Variants in TMEM87B observed in about 807,000 individuals in gnomAD.
The protein encoded by TMEM87B is transmembrane protein 87B.
In TMEM87B, 83 loss-of-function variants were observed where a neutral mutation model predicts 80.3. The ratio of observed to expected loss-of-function variants is 1.03; its 90% CI spans 0.87 to 1.24. The LOEUF (loss-of-function observed/expected upper bound fraction) is 1.24, where lower values mean the gene tolerates loss of function less well. Among genes scored for constraint, TMEM87B ranks in the 50% most tolerant of loss-of-function variants. The pLI, the probability that TMEM87B is intolerant of heterozygous loss-of-function variation, is 0.00. For missense variants in TMEM87B, 625 were observed against 674.4 expected (o/e 0.93, Z 0.81); for synonymous variants, 219 against 230.5 (o/e 0.95, Z 0.45).
chr2:112,059,406 A>G (rs1393300073), intron 1 of TMEM87B, among the ~76,000 whole-genome samples: 1 of 151,628 alleles, frequency 6.6e-6, no homozygotes, highest in Non-Finnish European at 1.5e-5. Context: ...AGCCAACTAG[A>G]TGAACAAAGG....
At chr2:112,069,712 G>A (rs145688462) in intron 4 of TMEM87B, among the ~76,000 whole-genome samples, 241 of 152,242 alleles carry the variant, frequency 1.6e-3, no homozygotes, top group African/African-American at 5.5e-3. Context: ...TGTGTCAAAC[G>A]GTAGTTCTCT....
intron 17 of TMEM87B, among the ~76,000 whole-genome samples, chr2:112,111,863 T>G (rs1679926541): frequency 6.6e-6 from 1 of 152,232 alleles, no homozygotes; most frequent in South Asian, 2.1e-4. Flanking sequence ...TTTAATGCAC[T>G]GAATCGTTCT....
At position 112,107,941 on chromosome 2, in the gene TMEM87B, C is replaced by A. The variant is rs536766457; in HGVS notation, c.1577+101C>A. On this transcript the variant is annotated intron_variant, in intron 17 of 18. Coordinates refer to ENST00000283206, the MANE Select transcript of TMEM87B (RefSeq NM_032824.3). ...ATGTGCTTTTCAAACCTCGTACTTG[C>A]ATGTACTTGGGTAAGCCCCTATCAC... The A allele has an allele frequency of 4.4e-5, 28 of 629,424 alleles. No individual in the cohort carries two copies. In the East Asian group the frequency reaches 6.3e-4, roughly 14 times the overall value. 39.0% of individuals were successfully genotyped at this position (629,424 alleles called of 1,614,324 possible). A position where few individuals can be genotyped will look rare whatever the true frequency, so the allele number is the denominator to read the frequency against.
At chr2:112,087,260 A>G (rs1019522352) in intron 9 of TMEM87B, among the ~76,000 whole-genome samples, 1 of 152,010 alleles carries the variant, frequency 6.6e-6, no homozygotes, top group Non-Finnish European at 1.5e-5. Flanking sequence ...AATTTGCCCA[A>G]AAAGAGCCCT....
At position 112,088,447 on chromosome 2, in the gene TMEM87B, T is replaced by G. The variant is rs1573709721; in HGVS notation, c.939-1178T>G. Among the ~76,000 whole-genome samples, 6 of 152,338 alleles carry G rather than the reference T, an allele frequency of 3.9e-5. No individual in the cohort carries two copies. In the South Asian group the frequency reaches 1.2e-3, roughly 32 times the overall value. The stretch of plus-strand genomic sequence containing the variant: ...TATTTGGAGGTTCTGGTTAGTTGAT[T>G]ATAATGAATCAGAATTTAGATTCCT... On this transcript the variant is annotated intron_variant, in intron 9 of 18. Transcript: ENST00000283206.
In TMEM87B at chr2:112,108,055, G is replaced by A. The variant is rs573990263; in HGVS notation, c.1577+215G>A. 1.8e-3 allele frequency among the ~76,000 whole-genome samples: 271 copies of A among 152,234 alleles called. 8 individuals are homozygous for A. The South Asian group carries it at 0.055, about 31-fold the overall frequency. On this transcript the variant is annotated intron_variant, in intron 17 of 18. Transcript: ENST00000283206. The stretch of plus-strand genomic sequence containing the variant: ...TACAGCAACCATTTTAAAACTAGTG[G>A]CCTCTAACCAACTCTAGCTTTTTCT...
chr2:112,080,206 G>A (rs1198967529), intron 6 of TMEM87B, among the ~76,000 whole-genome samples: 1 of 151,424 alleles, frequency 6.6e-6, no homozygotes, highest in Non-Finnish European at 1.5e-5. Flanking sequence ...TGGGATTACA[G>A]GTGTGAGCTG....
Position 112,077,220 on chromosome 2 carries a change from G to C in TMEM87B, c.530G>C (p.Gly177Ala). ...MDVVARTQKD[G>A]FHIFIVSIKT... ...GTTGTAGCCAGAACACAAAAAGATG[G>C]GTTTCATATCTTTATTGTTTCTATT... Residue 177 changes from glycine to alanine, a missense_variant, in exon 6 of 19, where the codon GGG becomes GCG. Transcript: ENST00000283206. 6.3e-7 allele frequency: 1 copy of C among 1,592,528 alleles called. No homozygotes were observed. Among genetic ancestry groups the C allele is most frequent in the Non-Finnish European group, 8.5e-7 (1 of 1,171,170 alleles).
chr2:112,056,431 C>T (rs569518113), intron 1 of TMEM87B, among the ~76,000 whole-genome samples: 1 of 152,052 alleles, frequency 6.6e-6, no homozygotes, highest in South Asian at 2.1e-4. Flanking sequence ...GGTGGAAACT[C>T]TTCTTTCCAA....
intron 14 of TMEM87B, among the ~76,000 whole-genome samples, chr2:112,100,324 T>C (rs567072884): frequency 1.3e-4 from 20 of 152,322 alleles, no homozygotes; most frequent in African/African-American, 4.8e-4. Flanking sequence ...GAGGTAAACC[T>C]GACATGGAGA....
chr2:112,060,085 C>T (rs371254985), intron 2 of TMEM87B, 48 bp downstream of exon 2: 257 of 1,438,400 alleles, frequency 1.8e-4, no homozygotes, highest in Admixed American at 8.7e-4. Context: ...CAATGGCTCA[C>T]GCCTGTAATC....
At position 112,116,115 on chromosome 2, in the gene TMEM87B, A is replaced by G; in HGVS notation, c.1640A>G (p.Lys547Arg). ...ATGACCAGATCTGAAATGGCTGAAA[A>G]AATGTTCTCTTCAGAAAAGATAATG... ...EIMTRSEMAE[K>R]MFSSEKIM The change falls in exon 19 of 19, where the codon AAA (lysine) becomes AGA (arginine). Residue 547 changes from lysine to arginine, a missense_variant. Physicochemically the swap from Lys to Arg is conservative, Grantham distance 26. Coordinates refer to ENST00000283206, the MANE Select transcript of TMEM87B (RefSeq NM_032824.3). 6.2e-7 allele frequency: 1 copy of G among 1,613,194 alleles called. No homozygotes were observed. The highest frequency in any genetic ancestry group is 1.7e-5 in the Admixed American group (1 of 59,992).
intron 6 of TMEM87B, among the ~76,000 whole-genome samples, chr2:112,079,985 G>A (rs562878714): frequency 3.2e-4 from 45 of 138,496 alleles, no homozygotes; most frequent in African/African-American, 1.2e-3. Flanking sequence ...GCTGGAGTGC[G>A]GTGGCACGAT....
chr2:112,095,275 C>G (rs1679434666), intron 11 of TMEM87B: 1 of 966,490 alleles, frequency 1.0e-6, no homozygotes, highest in Non-Finnish European at 1.2e-6. Context: ...CCCTCTCTCT[C>G]CTTGACTCTG....
rs749222333 is a variant in TMEM87B at position 112,095,165 on chromosome 2, C to CTTTTTTTTTTTTTTTTTTTT, written c.1105-1851_1105-1832dup. The stretch of plus-strand genomic sequence containing the variant: ...CGTTTCTCTTTTCTTTTCTTTCTTT[C>CTTTTTTTTTTTTTTTTTTTT]TTTTTTTTTTTTTTTTTTTTTTTTT... On this transcript the variant is annotated intron_variant, in intron 11 of 18. Transcript: ENST00000283206. 1.1e-4 allele frequency: 62 copies of CTTTTTTTTTTTTTTTTTTTT among 540,882 alleles called. 13 individuals are homozygous for CTTTTTTTTTTTTTTTTTTTT. In the Admixed American group the frequency reaches 2.8e-3, roughly 24 times the overall value. The allele number at this position is 540,882 out of a possible 1,614,324, so 33.5% of individuals were successfully genotyped here. A position where few individuals can be genotyped will look rare whatever the true frequency, so the allele number is the denominator to read the frequency against.
intron 14 of TMEM87B, 101 bp from the exon 15 acceptor site, chr2:112,100,521 T>A: frequency 1.5e-6 from 1 of 674,706 alleles, no homozygotes; most frequent in South Asian, 2.1e-5. Flanking sequence ...GTATAAGAAA[T>A]TTTTTAAATG....
intron 18 of TMEM87B, among the ~76,000 whole-genome samples, chr2:112,113,280 A>C (rs1679970828): frequency 6.6e-6 from 1 of 152,194 alleles, no homozygotes; most frequent in Admixed American, 6.5e-5. Context: ...CTAAGCAGGA[A>C]ATTTGGATAG....
intron 4 of TMEM87B, among the ~76,000 whole-genome samples, chr2:112,067,552 T>C (rs930639825): frequency 1.3e-5 from 2 of 152,220 alleles, no homozygotes; most frequent in African/African-American, 2.4e-5. Flanking sequence ...TGAGCCATGA[T>C]TGCGCCACTG....
rs772593592 is a variant in TMEM87B, at chr2:112,077,317, A to C, written c.592+35A>C. ...AACTGCATGCATGTTTACTGTCTGC[A>C]TTTTCTGTATTCTGTATTTTTGTCA... On this transcript the variant is annotated intron_variant, in intron 6 of 18. Coordinates refer to ENST00000283206, the MANE Select transcript of TMEM87B (RefSeq NM_032824.3). The C allele has an allele frequency of 1.1e-5, 13 of 1,179,688 alleles. No individual in the cohort carries two copies. In the Admixed American group the frequency reaches 2.9e-4, roughly 26 times the overall value. The allele number at this position is 1,179,688 out of a possible 1,614,324, so 73.1% of individuals were successfully genotyped here. A position where few individuals can be genotyped will look rare whatever the true frequency, so the allele number is the denominator to read the frequency against.
Sources: allele counts gnomAD v4.1 joint callset (sites outside exome capture counted in the v4.1 genomes callset), GRCh38; gene constraint gnomAD v4.1.1; transcripts MANE v1.5; gene names NCBI Gene and HGNC (gene_info 2026-07-23, HGNC 2026-07-21).